The following CHD1 variants were observed in gnomAD, a reference collection of about 807,000 sequenced individuals.
CHD1 encodes chromodomain helicase DNA binding protein 1.
A neutral mutation model predicts 224.2 loss-of-function variants in CHD1; 36 were observed. That is an observed-to-expected ratio of 0.16 (90% confidence interval 0.12 to 0.21). The LOEUF is 0.21. CHD1 is among the 10% of genes least tolerant of loss of function. The probability of loss-of-function intolerance (pLI) is 1.00; values close to 1 mark genes in which losing one functional copy is unlikely to be tolerated. For missense variants in CHD1, 1,378 were observed against 1,994.8 expected (o/e 0.69, Z 5.89); for synonymous variants, 668 against 658.3 (o/e 1.01, Z -0.23).
At chr5:98,908,523 T>C (rs1425374002) in intron 2 of CHD1, among the ~76,000 whole-genome samples, 1 of 152,140 alleles carries the variant, frequency 6.6e-6, no homozygotes. Context: ...CAATGTTTCA[T>C]GGATAGATGA....
chr5:98,919,608 G>A (rs1245798518), intron 2 of CHD1, among the ~76,000 whole-genome samples: 1 of 152,130 alleles, frequency 6.6e-6, no homozygotes, highest in African/African-American at 2.4e-5. Flanking sequence ...AATGGTGGAT[G>A]GTCAGAGCCA....
At chr5:98,859,852 T>C (rs917329187) in intron 33 of CHD1, 120 bp downstream of exon 33, 2 of 545,524 alleles carry the variant, frequency 3.7e-6, no homozygotes, top group Admixed American at 3.7e-5. Context: ...TGGTGTTCAA[T>C]GGTGATTTTT....
At chr5:98,856,788 G>T in intron 35 of CHD1, 63 bp from the exon 36 acceptor site, 2 of 1,072,754 alleles carry the variant, frequency 1.9e-6, no homozygotes, top group Non-Finnish European at 2.7e-6. Flanking sequence ...CCAAATAAAA[G>T]ATAACTAAAA....
At chr5:98,917,138 A>G (rs1752782039) in intron 2 of CHD1, among the ~76,000 whole-genome samples, 1 of 152,148 alleles carries the variant, frequency 6.6e-6, no homozygotes, top group African/African-American at 2.4e-5. Flanking sequence ...ATTAGCTTTT[A>G]CTAACATACT....
At chr5:98,898,172 G>T in intron 10 of CHD1, 84 bp downstream of exon 10, 1 of 738,224 alleles carries the variant, frequency 1.4e-6, no homozygotes, top group South Asian at 6.5e-5. Flanking sequence ...CTGAAATCAG[G>T]ATCCAACTCT....
intron 32 of CHD1, chr5:98,860,478 T>C (rs74451883): frequency 0.011 from 2,525 of 226,196 alleles, 47 homozygotes; most frequent in East Asian, 0.056. Flanking sequence ...TTGTAAAGAA[T>C]TGTCTTAAAT....
At position 98,911,227 on chromosome 5, in the gene CHD1, C is replaced by T. The variant is rs569766352; in HGVS notation, c.54-6129G>A. ...AAAAACAAAAGGACATGAGAGCCCA[C>T]TTGAAGGGGCTTCCATTGACCAAAT... is the stretch of plus-strand genomic sequence containing the variant. On this transcript the variant is annotated intron_variant, in intron 2 of 35. Coordinates refer to ENST00000614616, the MANE Select transcript of CHD1 (RefSeq NM_001270.4). Among the ~76,000 whole-genome samples the T allele has an allele frequency of 7.0e-5, 10 of 142,338 alleles. No individual in the cohort carries two copies. The East Asian group carries it at 1.2e-3, about 17-fold the overall frequency. The allele number at this position is 142,338 out of a possible 152,430, so 93.4% of individuals were successfully genotyped here.
intron 17 of CHD1, among the ~76,000 whole-genome samples, chr5:98,887,660 C>A (rs923868234): frequency 4.6e-5 from 7 of 152,084 alleles, no homozygotes; most frequent in African/African-American, 1.7e-4. Flanking sequence ...TTTTACTCAA[C>A]AAACCCTGTG....
chr5:98,883,826 A>AATATATATATATAT (rs200375047), intron 18 of CHD1: 3 of 59,040 alleles, frequency 5.1e-5, no homozygotes, highest in African/African-American at 2.5e-4. Context: ...TTGGAGACTA[A>AATATATATATATAT]ATATATATAT....
intron 20 of CHD1, among the ~76,000 whole-genome samples, 168 bp from the exon 21 acceptor site, chr5:98,881,543 T>G (rs1465234479): frequency 6.6e-6 from 1 of 151,798 alleles, no homozygotes; most frequent in Non-Finnish European, 1.5e-5. Flanking sequence ...AGTGTCTCCT[T>G]CTGTCACCCA....
intron 12 of CHD1, among the ~76,000 whole-genome samples, chr5:98,895,596 T>C (rs931695618): frequency 6.6e-6 from 1 of 151,088 alleles, no homozygotes; most frequent in Non-Finnish European, 1.5e-5. Context: ...CTACTAAAAA[T>C]ATGAAAATTA....
chr5:98,905,134 C>T lies in CHD1; in HGVS notation c.54-36G>A, dbSNP rs771487118. 7.5e-6 allele frequency: 12 copies of T among 1,608,338 alleles called. No individual in the cohort carries two copies. In the Admixed American group the frequency reaches 2.0e-4, roughly 27 times the overall value. Reference sequence around the variant, plus strand: ...AAAATAAACAATTTCAAACAAAATTCATTAGGAATTTAATTTTTCTTAGAC... The same window carrying T: ...AAAATAAACAATTTCAAACAAAATTTATTAGGAATTTAATTTTTCTTAGAC... On this transcript the variant is annotated intron_variant, in intron 2 of 35. Transcript: ENST00000614616.
chr5:98,911,146 A>AAAATATATATAT (rs1491111295), intron 2 of CHD1, among the ~76,000 whole-genome samples: 8 of 39,128 alleles, frequency 2.0e-4, no homozygotes, highest in African/African-American at 6.0e-4. Flanking sequence ...AAAAAAAAAA[A>AAAATATATATAT]ATATATATAT....
chr5:98,887,471 T>C (rs1025915232), intron 17 of CHD1, among the ~76,000 whole-genome samples: 1 of 152,166 alleles, frequency 6.6e-6, no homozygotes, highest in Non-Finnish European at 1.5e-5. Context: ...GCTATGTTCC[T>C]AGTACTGTTC....
chr5:98,926,927 G>GT (rs1753503613), intron 1 of CHD1, among the ~76,000 whole-genome samples: 2 of 102,768 alleles, frequency 1.9e-5, no homozygotes, highest in African/African-American at 7.7e-5. Context: ...GTGGGGGGGG[G>GT]GGTGGGAGGA....
intron 25 of CHD1, 66 bp from the exon 26 acceptor site, chr5:98,873,789 T>A: frequency 7.1e-7 from 1 of 1,407,550 alleles, no homozygotes. Flanking sequence ...TAAGATTAAG[T>A]TTCACTCTAT....
At position 98,869,644 on chromosome 5, in the gene CHD1, A is replaced by G. The variant is rs902595520; in HGVS notation, c.4107+110T>C. On this transcript the variant is annotated intron_variant, in intron 30 of 35. Coordinates refer to ENST00000614616, the MANE Select transcript of CHD1 (RefSeq NM_001270.4). Reference sequence around the variant, plus strand: ...CGCGCACACACACACACACACACACACACACACAGACTTCGGTACCTAAAA... The same window carrying G: ...CGCGCACACACACACACACACACACGCACACACAGACTTCGGTACCTAAAA... 6.0e-6 allele frequency: 7 copies of G among 1,167,270 alleles called. No homozygotes were observed. In the African/African-American group the frequency reaches 1.1e-4, roughly 18 times the overall value. The allele number at this position is 1,167,270 out of a possible 1,614,324, so 72.3% of individuals were successfully genotyped here. A position where few individuals can be genotyped will look rare whatever the true frequency, so the allele number is the denominator to read the frequency against.
At chr5:98,875,905 C>A (rs1385083776) in intron 24 of CHD1, among the ~76,000 whole-genome samples, 2 of 152,092 alleles carry the variant, frequency 1.3e-5, no homozygotes, top group Admixed American at 6.6e-5. Context: ...TCTGAATGGA[C>A]ACTACAATAA....
intron 18 of CHD1, 66 bp downstream of exon 18, chr5:98,885,512 T>C: frequency 1.0e-6 from 1 of 971,514 alleles, no homozygotes; most frequent in Non-Finnish European, 1.6e-6. Context: ...AATGTCTGAA[T>C]ATAATAATGT....
Sources: allele counts gnomAD v4.1 joint callset (sites outside exome capture counted in the v4.1 genomes callset), GRCh38; gene constraint gnomAD v4.1.1; transcripts MANE v1.5; gene names NCBI Gene and HGNC (gene_info 2026-07-23, HGNC 2026-07-21).